STARD7: variants seen among roughly 807,000 people sequenced by gnomAD.
STARD7 encodes the protein StAR related lipid transfer domain containing 7.
A neutral mutation model predicts 45.3 loss-of-function variants in STARD7; 30 were observed. The ratio of observed to expected loss-of-function variants is 0.66; its 90% CI spans 0.50 to 0.90. The LOEUF (loss-of-function observed/expected upper bound fraction) is 0.90, where lower values mean the gene tolerates loss of function less well. STARD7 is among the 40% of genes least tolerant of loss of function. The pLI is 0.00. For missense variants in STARD7, 495 were observed against 491.3 expected, an observed-to-expected ratio of 1.01 and a Z score of -0.07; for synonymous variants, 199 against 183.0, an observed-to-expected ratio of 1.09 and a Z score of -0.70.
chr2:96,202,822 G>A (rs553541393), intron 1 of STARD7, among the ~76,000 whole-genome samples: 1 of 152,182 alleles, frequency 6.6e-6, no homozygotes, highest in East Asian at 1.9e-4. Context: ...AAACATCAGA[G>A]GCTCATAAAA....
At chr2:96,194,041 T>C (rs1387713429) in intron 3 of STARD7, among the ~76,000 whole-genome samples, 2 of 152,224 alleles carry the variant, frequency 1.3e-5, no homozygotes, top group Non-Finnish European at 2.9e-5. Flanking sequence ...AAGCAGTCTT[T>C]GAACAGATAC....
chr2:96,195,556 AG>A lies in STARD7; in HGVS notation c.291-8del, dbSNP rs771816793. 1.2e-6 allele frequency: 2 copies of A among 1,609,248 alleles called. No individual in the cohort carries two copies. The highest frequency in any genetic ancestry group is 1.7e-6 in the Non-Finnish European group (2 of 1,176,802). On this transcript the variant is annotated splice_region_variant and splice_polypyrimidine_tract_variant and intron_variant, in intron 1 of 7. Coordinates refer to ENST00000337288, the MANE Select transcript of STARD7 (RefSeq NM_020151.4). ...CTTCATCTCATTAATAGATCTGTAA[AG>A]GGGAAAAAGAGCCATGGTGAGGTGG... is the stretch of plus-strand genomic sequence containing the variant.
At chr2:96,198,946 C>T (rs894118940) in intron 1 of STARD7, among the ~76,000 whole-genome samples, 4 of 152,184 alleles carry the variant, frequency 2.6e-5, no homozygotes, top group African/African-American at 7.2e-5. Flanking sequence ...CCTATTCCTT[C>T]CCCAGTGAAC....
At chr2:96,195,297 C>G in intron 2 of STARD7, 44 bp downstream of exon 2, 1 of 1,459,500 alleles carries the variant, frequency 6.9e-7, no homozygotes, top group Non-Finnish European at 9.4e-7. Flanking sequence ...ATCCCATGCA[C>G]CTGTGCAACT....
intron 1 of STARD7, among the ~76,000 whole-genome samples, chr2:96,196,712 C>T (rs1330432926): frequency 8.5e-5 from 13 of 152,064 alleles, no homozygotes; most frequent in African/African-American, 2.7e-4. Context: ...CTGCCCGCCT[C>T]GGCCTCCCAA....
chr2:96,193,260 G>A lies in STARD7; in HGVS notation c.642C>T (p.His214=). ...RDVVSGSEVL[H]WVTHFPYPMY... Reference sequence around the variant, plus strand: ...TACTCACAGGAAAATGGGTTACCCAGTGAAGAACCTCGGAACCACTAACCA... The same window carrying A: ...TACTCACAGGAAAATGGGTTACCCAATGAAGAACCTCGGAACCACTAACCA... Residue 214 remains histidine, a synonymous_variant, in exon 4 of 8, where the codon CAC becomes CAT. Transcript: ENST00000337288. The A allele has an allele frequency of 6.2e-7, 1 of 1,613,572 alleles. No homozygotes were observed. The highest frequency in any genetic ancestry group is 1.1e-5 in the South Asian group (1 of 91,068).
At chr2:96,197,069 A>AGTAACATAACATAACATAACATAAC (rs1331360031) in intron 1 of STARD7, among the ~76,000 whole-genome samples, 1 of 94,112 alleles carries the variant, frequency 1.1e-5, no homozygotes, top group Non-Finnish European at 2.1e-5. Flanking sequence ...TCCGTCTCAA[A>AGTAACATAACATAACATAACATAAC]ATAAAATAAA....
At chr2:96,200,038 T>C (rs1277766010) in intron 1 of STARD7, among the ~76,000 whole-genome samples, 1 of 152,212 alleles carries the variant, frequency 6.6e-6, no homozygotes, top group Non-Finnish European at 1.5e-5. Context: ...CCATTTCATA[T>C]ATTGCTGAGT....
In STARD7 at chr2:96,208,409, G is replaced by A. The variant is rs1683440065; in HGVS notation, c.26C>T (p.Ala9Val). 5 of 1,426,978 alleles carry A rather than the reference G, an allele frequency of 3.5e-6. No individual in the cohort carries two copies. Among genetic ancestry groups the A allele is most frequent in the African/African-American group, 3.0e-5 (2 of 66,954 alleles). 88.4% of individuals were successfully genotyped at this position (1,426,978 alleles called of 1,614,324 possible). A position where few individuals can be genotyped will look rare whatever the true frequency, so the allele number is the denominator to read the frequency against. Residue 9 changes from alanine to valine, a missense_variant, in exon 1 of 8, where the codon GCC (alanine) becomes GTC (valine). Physicochemically the swap from Ala to Val is moderately conservative, Grantham distance 64. This residue lies in a region of STARD7 where 282 missense variants were observed against 220.1 expected (regional missense o/e 1.28). Coordinates refer to ENST00000337288, the MANE Select transcript of STARD7 (RefSeq NM_020151.4). MLPRRLLAAWLAGTRGGGL... is the reference protein window; with the variant it reads MLPRRLLAVWLAGTRGGGL... ...CCCGCCCCGCGTCCCCGCCAGCCAG[G>A]CGGCCAGCAGCCTCCGCGGGAGCAT...
intron 1 of STARD7, among the ~76,000 whole-genome samples, chr2:96,197,708 CTCTA>C (rs966745221): frequency 2.6e-5 from 4 of 152,136 alleles, no homozygotes; most frequent in African/African-American, 7.2e-5. Context: ...CAAAAGAAAC[CTCTA>C]TCTATCATTA....
At position 96,208,451 on chromosome 2, in the gene STARD7, C is replaced by G; in HGVS notation, c.-17G>C. ...CGGGAGCATGCCGCCTCCCGCAGGG[C>G]CCGCCGCGAGCTTCCGGGGCCCAAG... On this transcript the variant is annotated 5_prime_UTR_variant, in exon 1 of 8. Coordinates refer to ENST00000337288, the MANE Select transcript of STARD7 (RefSeq NM_020151.4). 1 of 1,359,156 alleles carries G rather than the reference C, an allele frequency of 7.4e-7. No individual in the cohort carries two copies. The highest frequency in any genetic ancestry group is 9.4e-7 in the Non-Finnish European group (1 of 1,065,942). 84.2% of individuals were successfully genotyped at this position (1,359,156 alleles called of 1,614,324 possible). A position where few individuals can be genotyped will look rare whatever the true frequency, so the allele number is the denominator to read the frequency against.
intron 7 of STARD7, 114 bp from the exon 8 acceptor site, chr2:96,187,028 A>G: frequency 9.4e-7 from 1 of 1,059,624 alleles, no homozygotes; most frequent in Non-Finnish European, 1.4e-6. Context: ...TAAAGATCAC[A>G]ACCTGACTAG....
Position 96,186,684 on chromosome 2 carries a change from T to A in STARD7, c.*46A>T, listed in dbSNP as rs755321257. 2 of 1,487,510 alleles carry A rather than the reference T, an allele frequency of 1.3e-6. No individual in the cohort carries two copies. The highest frequency in any genetic ancestry group is 1.4e-5 in the African/African-American group (1 of 71,412). The allele number at this position is 1,487,510 out of a possible 1,614,324, so 92.1% of individuals were successfully genotyped here. A position where few individuals can be genotyped will look rare whatever the true frequency, so the allele number is the denominator to read the frequency against. ...CTTCTACAGCAGAGTGATAACGGAC[T>A]GAGACAGGGCTAGAAGCACCTTGTC... is the stretch of plus-strand genomic sequence containing the variant. On this transcript the variant is annotated 3_prime_UTR_variant, in exon 8 of 8. Transcript: ENST00000337288.
intron 3 of STARD7, among the ~76,000 whole-genome samples, chr2:96,194,625 T>C (rs879414547): frequency 9.2e-5 from 14 of 152,210 alleles, no homozygotes; most frequent in Non-Finnish European, 2.1e-4. Flanking sequence ...TGGAAGAATT[T>C]AGGAGTAAAG....
At chr2:96,186,944 G>A (rs576383933) in intron 7 of STARD7, 30 bp from the exon 8 acceptor site, 1 of 1,590,356 alleles carries the variant, frequency 6.3e-7, no homozygotes, top group Admixed American at 1.8e-5. Context: ...AGGTTAAGCT[G>A]ACATACAAAC....
rs1392280264 is a variant in STARD7 at position 96,208,682 on chromosome 2, C to A, written c.-248G>T. Reference sequence around the variant, plus strand: ...GACTGCTACACCAGGCACTCCTGGGCCCGGGCAGCAGACCAGTCAGCCCTG... The same window carrying A: ...GACTGCTACACCAGGCACTCCTGGGACCGGGCAGCAGACCAGTCAGCCCTG... On this transcript the variant is annotated 5_prime_UTR_variant, in exon 1 of 8. Coordinates refer to ENST00000337288, the MANE Select transcript of STARD7 (RefSeq NM_020151.4). The A allele has an allele frequency of 1.6e-5, 7 of 444,272 alleles. 1 individual carries two copies. Among genetic ancestry groups the A allele is most frequent in the Non-Finnish European group, 2.4e-5 (6 of 253,678 alleles). 27.5% of individuals were successfully genotyped at this position (444,272 alleles called of 1,614,324 possible).
At chr2:96,194,727 C>T (rs1251064124) in intron 3 of STARD7, among the ~76,000 whole-genome samples, 1 of 152,226 alleles carries the variant, frequency 6.6e-6, no homozygotes, top group African/African-American at 2.4e-5. Context: ...ATCCATTCCT[C>T]TATCTGATAT....
At chr2:96,191,416 C>T (rs1448282784) in intron 6 of STARD7, among the ~76,000 whole-genome samples, 1 of 152,062 alleles carries the variant, frequency 6.6e-6, no homozygotes, top group East Asian at 1.9e-4. Flanking sequence ...GATAAAAACC[C>T]CCTACCTTGG....
chr2:96,195,371 T>A lies in STARD7; in HGVS notation c.469A>T (p.Ile157Phe). 6.3e-7 allele frequency: 1 copy of A among 1,587,572 alleles called. No homozygotes were observed. Among genetic ancestry groups the A allele is most frequent in the Non-Finnish European group, 8.6e-7 (1 of 1,166,710 alleles). ...KKHFKLWRRP[I>F]TGTHLYQYRV... ...TACTGGTAAAGGTGGGTGCCTGTAA[T>A]TGGGCGCCGCCACAGCTTAAAGTGT... The change falls in exon 2 of 8, where the codon ATT becomes TTT. Residue 157 changes from isoleucine (I) to phenylalanine (F), a missense_variant. Around this residue, in one of 2 missense-constraint regions of STARD7, gnomAD observed 282 missense variants for 220.1 expected, o/e 1.28. Coordinates refer to ENST00000337288, the MANE Select transcript of STARD7 (RefSeq NM_020151.4).
Sources: allele counts gnomAD v4.1 joint callset (sites outside exome capture counted in the v4.1 genomes callset), GRCh38; gene constraint gnomAD v4.1.1; regional missense constraint gnomAD v4.1.1; transcripts MANE v1.5; gene names NCBI Gene and HGNC (gene_info 2026-07-23, HGNC 2026-07-21).